LYPLAL1: variants seen among roughly 807,000 people sequenced by gnomAD.
The protein encoded by LYPLAL1 is lysophospholipase like 1.
LYPLAL1 carries 23 observed loss-of-function variants against 19.7 expected under a neutral mutation model. That is an observed-to-expected ratio of 1.17 (90% CI 0.84 to 1.65). The LOEUF (loss-of-function observed/expected upper bound fraction) is 1.65, where lower values mean the gene tolerates loss of function less well. Ranked by LOEUF, LYPLAL1 falls within the 40% of genes most tolerant of loss-of-function variation. The pLI is 0.00. For missense variants in LYPLAL1, 355 were observed against 279.4 expected (o/e 1.27, Z -1.93); for synonymous variants, 119 against 96.3 (o/e 1.24, Z -1.38).
chr1:219,224,217 G>A, the LYPLAL1 span, among the ~76,000 whole-genome samples: 1 of 152,110 alleles, frequency 6.6e-6, no homozygotes, highest in Non-Finnish European at 1.5e-5. Flanking sequence ...AAAAATGAAA[G>A]TTCACAACAT....
At chr1:219,279,024 G>A in the LYPLAL1 span, among the ~76,000 whole-genome samples, 6 of 152,162 alleles carry the variant, frequency 3.9e-5, no homozygotes, top group South Asian at 8.3e-4. Flanking sequence ...TGAAAAAGAG[G>A]TACAGCCTTG....
At chr1:219,390,002 T>C in the LYPLAL1 span, among the ~76,000 whole-genome samples, 25 of 152,028 alleles carry the variant, frequency 1.6e-4, no homozygotes, top group South Asian at 5.0e-3. Flanking sequence ...TGCTCCCGAA[T>C]TGCCACTTTC....
At chr1:219,392,287 GGCAAGA>G in the LYPLAL1 span, among the ~76,000 whole-genome samples, 4 of 152,160 alleles carry the variant, frequency 2.6e-5, no homozygotes, top group South Asian at 8.3e-4. Flanking sequence ...ATGAGTCACT[GGCAAGA>G]GCTGTAATTT....
At chr1:219,416,060 T>TA in the LYPLAL1 span, among the ~76,000 whole-genome samples, 645 of 152,346 alleles carry the variant, frequency 4.2e-3, 7 homozygotes, top group African/African-American at 0.015. Context: ...GAGAAGATGA[T>TA]AGAGTTCCCA....
At chr1:219,432,053 C>A in the LYPLAL1 span, among the ~76,000 whole-genome samples, 4 of 152,214 alleles carry the variant, frequency 2.6e-5, no homozygotes, top group African/African-American at 7.2e-5. Flanking sequence ...AGACAAATTT[C>A]TTTCAGCTGC....
the LYPLAL1 span, among the ~76,000 whole-genome samples, chr1:219,325,084 T>G: frequency 6.6e-6 from 1 of 152,094 alleles, no homozygotes; most frequent in Non-Finnish European, 1.5e-5. Context: ...TGGGCCAAAT[T>G]AGAAAGTAAA....
the LYPLAL1 span, among the ~76,000 whole-genome samples, chr1:219,393,811 T>C: frequency 2.0e-5 from 3 of 151,402 alleles, no homozygotes; most frequent in African/African-American, 7.2e-5. Context: ...TACTGAAACA[T>C]TGATCACTAA....
chr1:219,419,115 C>A, the LYPLAL1 span, among the ~76,000 whole-genome samples: 1 of 151,866 alleles, frequency 6.6e-6, no homozygotes, highest in African/African-American at 2.4e-5. Context: ...CTGTGAACAT[C>A]CATGGGCAGG....
the LYPLAL1 span, among the ~76,000 whole-genome samples, chr1:219,439,992 C>CACATATATATATATACATATATATATAT: frequency 3.4e-4 from 11 of 32,384 alleles, no homozygotes; most frequent in Admixed American, 8.8e-4. Flanking sequence ...TATATATATA[C>CACATATATATATATACATATATATATAT]ACACATATAT....
At chr1:219,253,904 G>A in the LYPLAL1 span, among the ~76,000 whole-genome samples, 1 of 152,022 alleles carries the variant, frequency 6.6e-6, no homozygotes, top group Non-Finnish European at 1.5e-5. Context: ...TTATTGTGTG[G>A]TTGTTTATGT....
chr1:219,348,130 T>C, the LYPLAL1 span, among the ~76,000 whole-genome samples: 2 of 152,184 alleles, frequency 1.3e-5, no homozygotes, highest in African/African-American at 4.8e-5. Flanking sequence ...CATGGGAGCC[T>C]TGTCCATAAA....
chr1:219,218,628 A>G, the LYPLAL1 span, among the ~76,000 whole-genome samples: 14 of 152,184 alleles, frequency 9.2e-5, no homozygotes, highest in South Asian at 2.1e-4. Flanking sequence ...TAAACATTTC[A>G]AGAAAATTCA....
At chr1:219,279,892 A>G in the LYPLAL1 span, among the ~76,000 whole-genome samples, 1 of 152,212 alleles carries the variant, frequency 6.6e-6, no homozygotes, top group Non-Finnish European at 1.5e-5. Context: ...CAAAATATCC[A>G]TAGGTGTTTC....
the LYPLAL1 span, among the ~76,000 whole-genome samples, chr1:219,401,920 C>A: frequency 1.3e-5 from 2 of 151,964 alleles, no homozygotes; most frequent in Non-Finnish European, 2.9e-5. Context: ...TGACAAATGC[C>A]CAGGTTGGTC....
downstream of LYPLAL1, among the ~76,000 whole-genome samples, chr1:219,217,379 G>GGTGTGTGTGTGTGTGTGTGTGTGTGT (rs371579948): frequency 4.7e-4 from 63 of 134,134 alleles, 1 homozygote; most frequent in East Asian, 2.0e-3. Flanking sequence ...TGCCAGGTTT[G>GGTGTGTGTGTGTGTGTGTGTGTGTGT]GTGTGTGTGT....
the LYPLAL1 span, among the ~76,000 whole-genome samples, chr1:219,339,433 C>T: frequency 1.3e-5 from 2 of 151,978 alleles, no homozygotes; most frequent in Non-Finnish European, 2.9e-5. Flanking sequence ...AAATATGTTG[C>T]TGTTCTCTCC....
chr1:219,263,490 C>T, the LYPLAL1 span, among the ~76,000 whole-genome samples: 4 of 152,254 alleles, frequency 2.6e-5, no homozygotes, highest in South Asian at 2.1e-4. Flanking sequence ...GGCCACTGCT[C>T]CTGTGCTGGT....
At chr1:219,305,122 G>A in the LYPLAL1 span, among the ~76,000 whole-genome samples, 55 of 152,238 alleles carry the variant, frequency 3.6e-4, 1 homozygote, top group African/African-American at 1.3e-3. Flanking sequence ...TTCTTACATG[G>A]ACTGTGGCTC....
the LYPLAL1 span, among the ~76,000 whole-genome samples, chr1:219,296,368 T>G: frequency 6.6e-6 from 1 of 152,176 alleles, no homozygotes; most frequent in Non-Finnish European, 1.5e-5. Flanking sequence ...CGGTTAAATC[T>G]TCAATCCTAA....
Sources: gnomAD v4.1 joint callset for allele counts (sites outside exome capture counted in the v4.1 genomes callset) on GRCh38, gnomAD v4.1.1 for gene constraint, MANE v1.5 for transcripts, NCBI Gene and HGNC (gene_info 2026-07-23, HGNC 2026-07-21) for gene names.